The following ZNF536 variants were observed in gnomAD, a reference collection of about 807,000 sequenced individuals.
ZNF536 encodes the protein zinc finger protein 536.
ZNF536 carries 13 observed loss-of-function variants against 84.5 expected under a neutral mutation model. The ratio of observed to expected loss-of-function variants is 0.15; its 90% confidence interval spans 0.10 to 0.24. The LOEUF is 0.24. ZNF536 is among the 10% of genes least tolerant of loss of function. ZNF536 has a pLI of 1.00. For missense variants in ZNF536, 1,536 were observed against 1,747.5 expected (o/e 0.88, Z 2.16); for synonymous variants, 811 against 742.5 (o/e 1.09, Z -1.50).
chr19:30,600,052 T>TG (rs1555809227), intron 1 of ZNF536, among the ~76,000 whole-genome samples: 3 of 150,776 alleles, frequency 2.0e-5, no homozygotes, highest in Admixed American at 1.3e-4. Flanking sequence ...GTTTTTTTTT[T>TG]TTTGTTGTTG....
chr19:30,581,939 G>T (rs1401530841), intron 1 of ZNF536, among the ~76,000 whole-genome samples: 1 of 152,108 alleles, frequency 6.6e-6, no homozygotes, highest in African/African-American at 2.4e-5. Flanking sequence ...ACTCCTCTGT[G>T]TAAAACAAAA....
intron 2 of ZNF536, among the ~76,000 whole-genome samples, chr19:30,454,561 GTTTCA>G (rs999890877): frequency 2.4e-4 from 36 of 152,136 alleles, no homozygotes; most frequent in African/African-American, 7.0e-4. Context: ...TTTTATTTTC[GTTTCA>G]TTTCATTTTT....
intron 1 of ZNF536, among the ~76,000 whole-genome samples, chr19:30,425,327 G>T (rs1219752317): frequency 6.6e-6 from 1 of 152,114 alleles, no homozygotes; most frequent in East Asian, 1.9e-4. Context: ...GAGGGCCCCA[G>T]GGGGTGTCTG....
At chr19:30,411,978 AT>A (rs1386279405) in intron 1 of ZNF536, among the ~76,000 whole-genome samples, 3 of 151,574 alleles carry the variant, frequency 2.0e-5, no homozygotes, top group African/African-American at 4.8e-5. Context: ...ACTTTTATAG[AT>A]TTTGCCCATG....
At chr19:30,335,518 C>T (rs571146477) in intron 2 of ZNF536, among the ~76,000 whole-genome samples, 10 of 152,146 alleles carry the variant, frequency 6.6e-5, no homozygotes, top group Non-Finnish European at 1.3e-4. Context: ...GCACCAGACA[C>T]GTGTTCAGCA....
chr19:30,453,798 C>A (rs915918491), intron 2 of ZNF536, among the ~76,000 whole-genome samples: 1 of 152,248 alleles, frequency 6.6e-6, no homozygotes, highest in Non-Finnish European at 1.5e-5. Flanking sequence ...AGGCAGAATT[C>A]ATTTGCCTCC....
intron 1 of ZNF536, among the ~76,000 whole-genome samples, chr19:30,607,285 T>G (rs780619558): frequency 3.7e-4 from 56 of 152,344 alleles, no homozygotes; most frequent in Middle Eastern, 3.4e-3. Context: ...TGTTTTAGAG[T>G]TTTTTACTGG....
intron 1 of ZNF536, among the ~76,000 whole-genome samples, chr19:30,253,647 T>C (rs2024741093): frequency 6.6e-6 from 1 of 152,214 alleles, no homozygotes; most frequent in Admixed American, 6.5e-5. Context: ...TCCCCACCCA[T>C]GGGCTGTATC....
intron 1 of ZNF536, among the ~76,000 whole-genome samples, chr19:30,651,504 G>C (rs754132587): frequency 5.7e-4 from 86 of 152,172 alleles, no homozygotes; most frequent in Admixed American, 1.2e-3. Context: ...TTAAAAAAGA[G>C]AATAAGCACG....
chr19:30,647,401 C>T (rs2049515967), intron 1 of ZNF536, among the ~76,000 whole-genome samples: 1 of 152,184 alleles, frequency 6.6e-6, no homozygotes. Context: ...TCCCCTGTTT[C>T]CTTGCCTCTT....
intron 2 of ZNF536, among the ~76,000 whole-genome samples, chr19:30,487,694 G>T (rs1232505146): frequency 6.8e-6 from 1 of 147,706 alleles, no homozygotes; most frequent in African/African-American, 2.7e-5. Flanking sequence ...AAAACCTGAA[G>T]TCCTGAAGTG....
chr19:30,267,382 C>A (rs763732710), intron 1 of ZNF536, among the ~76,000 whole-genome samples: 1 of 152,096 alleles, frequency 6.6e-6, no homozygotes, highest in Non-Finnish European at 1.5e-5. Context: ...TTATAATAAT[C>A]TTTCATTCTT....
At chr19:30,647,802 C>G (rs1351489214) in intron 1 of ZNF536, among the ~76,000 whole-genome samples, 1 of 152,144 alleles carries the variant, frequency 6.6e-6, no homozygotes, top group Non-Finnish European at 1.5e-5. Context: ...AGTGCTGACC[C>G]TTTGCTAGCG....
At chr19:30,532,898 C>A (rs1469459708) in intron 2 of ZNF536, among the ~76,000 whole-genome samples, 1 of 152,168 alleles carries the variant, frequency 6.6e-6, no homozygotes, top group Non-Finnish European at 1.5e-5. Context: ...TCCATTTGCC[C>A]TGATCAATAA....
Position 30,558,034 on chromosome 19 carries a change from TAAAA to T in ZNF536, c.*878_*881del, listed in dbSNP as rs988459859. 6.9e-6 allele frequency: 1 copy of T among 144,958 alleles called. No homozygotes were observed. The allele number at this position is 144,958 out of a possible 1,614,324, so 9.0% of individuals were successfully genotyped here. On this transcript the variant is annotated 3_prime_UTR_variant, in exon 5 of 5. Coordinates refer to ENST00000355537, the MANE Select transcript of ZNF536 (RefSeq NM_014717.3). ...CAATAACTTATCTTGGTATTGCTAA[TAAAA>T]AAAAAAAGCTGTGAAACATTAGTGC...
At chr19:30,579,869 C>T (rs1429931656) in intron 1 of ZNF536, among the ~76,000 whole-genome samples, 1 of 152,174 alleles carries the variant, frequency 6.6e-6, no homozygotes, top group Non-Finnish European at 1.5e-5. Flanking sequence ...TTCCTACAAC[C>T]ACCTGCTTTA....
intron 1 of ZNF536, among the ~76,000 whole-genome samples, chr19:30,387,047 C>T (rs536622850): frequency 1.3e-5 from 2 of 152,254 alleles, no homozygotes; most frequent in South Asian, 2.1e-4. Context: ...AGACGAGAGT[C>T]GGTCTGTTTG....
chr19:30,237,353 C>T (rs1478569311), intron 1 of ZNF536, among the ~76,000 whole-genome samples: 1 of 152,092 alleles, frequency 6.6e-6, no homozygotes, highest in Non-Finnish European at 1.5e-5. Context: ...GGTTGGCCTC[C>T]CGTGGAGGCC....
In ZNF536 at chr19:30,280,903, C is replaced by T. The variant is rs185682847; in HGVS notation, c.-189-3169C>T. Among the ~76,000 whole-genome samples, 27 of 152,266 alleles carry T rather than the reference C, an allele frequency of 1.8e-4. No individual in the cohort carries two copies. The East Asian group carries it at 2.1e-3, about 12-fold the overall frequency. ...TCCTGCTTTGGTGGACAGAGGGGCC[C>T]GTGCAGGGCTAGCTTGTATGTCTGC... On this transcript the variant is annotated intron_variant, in intron 1 of 5. Transcript: ENST00000585628.
Sources: allele counts gnomAD v4.1 joint callset (sites outside exome capture counted in the v4.1 genomes callset), GRCh38; gene constraint gnomAD v4.1.1; transcripts MANE v1.5; gene names NCBI Gene and HGNC (gene_info 2026-07-23, HGNC 2026-07-21).